Variants in SASH1 observed in about 807,000 individuals in gnomAD.
The protein encoded by SASH1 is SAM and SH3 domain containing 1.
Under a neutral mutation model 125.2 loss-of-function variants are expected in SASH1, and 44 were observed. The observed-to-expected ratio is 0.35, with a 90% CI of 0.28 to 0.45. The LOEUF (loss-of-function observed/expected upper bound fraction) is 0.45. Among genes scored for constraint, SASH1 ranks in the 20% least tolerant of loss-of-function variants. The probability of loss-of-function intolerance (pLI) is 1.00; values close to 1 mark genes in which losing one functional copy is unlikely to be tolerated. For synonymous variants in SASH1, 639 were observed against 649.1 expected, an observed-to-expected ratio of 0.98 and a Z score of 0.24; for missense variants, 1,426 against 1,614.5, an observed-to-expected ratio of 0.88 and a Z score of 2.00.
At chr6:148,407,050 T>TA (rs576933424) in intron 2 of SASH1, among the ~76,000 whole-genome samples, 5 of 152,246 alleles carry the variant, frequency 3.3e-5, no homozygotes, top group Non-Finnish European at 7.4e-5. Flanking sequence ...TTTAGTTTTT[T>TA]AAAAAAAATT....
At chr6:148,335,035 C>T (rs1262977508) in intron 1 of SASH1, among the ~76,000 whole-genome samples, 3 of 150,054 alleles carry the variant, frequency 2.0e-5, no homozygotes, top group Admixed American at 6.7e-5. Context: ...TGGTGGCTCA[C>T]ACTTGTAATC....
At chr6:148,399,527 C>A (rs919449003) in intron 2 of SASH1, among the ~76,000 whole-genome samples, 4 of 152,092 alleles carry the variant, frequency 2.6e-5, no homozygotes, top group East Asian at 1.9e-4. Context: ...TTTTCTCTTG[C>A]TCCTGAACAT....
chr6:148,214,978 A>T, the SASH1 span, among the ~76,000 whole-genome samples: 1 of 152,174 alleles, frequency 6.6e-6, no homozygotes, highest in Non-Finnish European at 1.5e-5. Context: ...TGGATGTAGA[A>T]GAGCTATTCC....
the SASH1 span, among the ~76,000 whole-genome samples, chr6:148,238,753 G>A: frequency 3.3e-5 from 5 of 152,010 alleles, no homozygotes; most frequent in Non-Finnish European, 7.4e-5. Context: ...GGCGTACAGT[G>A]GGTTCTCATT....
chr6:148,419,588 C>T (rs948555442), intron 2 of SASH1, among the ~76,000 whole-genome samples: 4 of 152,210 alleles, frequency 2.6e-5, no homozygotes, highest in African/African-American at 9.6e-5. Context: ...CCCTCCTGTC[C>T]TGTTTCTCAG....
intron 1 of SASH1, among the ~76,000 whole-genome samples, chr6:148,331,655 C>T (rs73007557): frequency 0.074 from 11,285 of 151,960 alleles, 446 homozygotes; most frequent in Middle Eastern, 0.12. Flanking sequence ...ACAGCATCAA[C>T]ACAGATGAAA....
At chr6:148,274,931 C>T (rs1266513114) in intron 1 of SASH1, among the ~76,000 whole-genome samples, 1 of 152,174 alleles carries the variant, frequency 6.6e-6, no homozygotes, top group Non-Finnish European at 1.5e-5. Flanking sequence ...CCCTGCCCCT[C>T]CTCTAATTTA....
At chr6:148,465,908 C>T (rs926064816) in intron 4 of SASH1, among the ~76,000 whole-genome samples, 7 of 152,062 alleles carry the variant, frequency 4.6e-5, no homozygotes, top group Non-Finnish European at 8.8e-5. Context: ...CTCCCCTTCC[C>T]CCTCGTCATT....
At chr6:148,449,078 C>CTTTTTCTTTTTCTTTTTT in intron 4 of SASH1, among the ~76,000 whole-genome samples, 92 of 88,702 alleles carry the variant, frequency 1.0e-3, no homozygotes, top group African/African-American at 2.6e-3. Flanking sequence ...CATTTCATTT[C>CTTTTTCTTTTTCTTTTTT]TTTTTTTTTT....
intron 1 of SASH1, among the ~76,000 whole-genome samples, chr6:148,277,861 C>T (rs754431273): frequency 9.9e-5 from 15 of 151,724 alleles, no homozygotes; most frequent in Non-Finnish European, 1.8e-4. Context: ...GGACTACAGG[C>T]GCGCGCCACC....
intron 8 of SASH1, among the ~76,000 whole-genome samples, chr6:148,498,322 G>C (rs1348468413): frequency 1.3e-5 from 2 of 151,802 alleles, no homozygotes; most frequent in Non-Finnish European, 2.9e-5. Context: ...GAGGCGGGAG[G>C]ATTGCCTGAA....
At chr6:148,274,136 A>G (rs1047397640) in intron 1 of SASH1, among the ~76,000 whole-genome samples, 2 of 152,284 alleles carry the variant, frequency 1.3e-5, no homozygotes, top group South Asian at 4.1e-4. Flanking sequence ...TGTCTGAAAT[A>G]TGAGTTGTGA....
chr6:148,374,711 G>C (rs927314666), intron 1 of SASH1, among the ~76,000 whole-genome samples: 4 of 151,498 alleles, frequency 2.6e-5, no homozygotes, highest in East Asian at 2.0e-4. Context: ...TTTTGGGGGG[G>C]GGGGAGATGG....
intron 7 of SASH1, among the ~76,000 whole-genome samples, chr6:148,484,762 G>T (rs984875014): frequency 1.3e-5 from 2 of 152,114 alleles, no homozygotes; most frequent in African/African-American, 4.8e-5. Context: ...GCATCATGAT[G>T]AAACCTCATC....
At chr6:148,542,159 C>T (rs972391521) in intron 17 of SASH1, among the ~76,000 whole-genome samples, 1 of 152,112 alleles carries the variant, frequency 6.6e-6, no homozygotes, top group Admixed American at 6.5e-5. Flanking sequence ...AGATTGCTAG[C>T]GAACCATACT....
chr6:148,272,180 C>G (rs1468230255), upstream of SASH1: 1 of 254,190 alleles, frequency 3.9e-6, no homozygotes, highest in Non-Finnish European at 8.9e-6. Context: ...CTCTTATCGT[C>G]CTGAAGGCGA....
chr6:148,362,179 G>A lies in SASH1; in HGVS notation c.156+18956G>A, dbSNP rs984603380. ...CCTGACCTTGTGATCCGCCCACCTTGGCCTCCCAAAGTGCTGGGATTACAG... is the reference window on the plus strand; with the variant it reads ...CCTGACCTTGTGATCCGCCCACCTTAGCCTCCCAAAGTGCTGGGATTACAG... On this transcript the variant is annotated intron_variant, in intron 1 of 19. Coordinates refer to ENST00000367467, the MANE Select transcript of SASH1 (RefSeq NM_015278.5). Among the ~76,000 whole-genome samples the A allele has an allele frequency of 2.1e-4, 32 of 151,086 alleles. 1 individual carries two copies. Among genetic ancestry groups the A allele is most frequent in the Middle Eastern group, 6.9e-3 (2 of 290 alleles).
the SASH1 span, among the ~76,000 whole-genome samples, chr6:148,220,996 CT>C: frequency 6.6e-6 from 1 of 152,170 alleles, no homozygotes; most frequent in Non-Finnish European, 1.5e-5. Context: ...CAAAATCCCT[CT>C]TTTTTCCCTC....
At chr6:148,375,632 C>T (rs917455201) in intron 1 of SASH1, among the ~76,000 whole-genome samples, 1 of 152,070 alleles carries the variant, frequency 6.6e-6, no homozygotes, top group East Asian at 1.9e-4. Context: ...TTTTCTTCCC[C>T]ACAAAACGGA....
Sources: gnomAD v4.1 joint callset for allele counts (sites outside exome capture counted in the v4.1 genomes callset) on GRCh38, gnomAD v4.1.1 for gene constraint, MANE v1.5 for transcripts, NCBI Gene and HGNC (gene_info 2026-07-23, HGNC 2026-07-21) for gene names.